Variants in CNIH3 observed in about 807,000 individuals in gnomAD.
CNIH3 encodes protein cornichon homolog 3.
A neutral mutation model predicts 24.1 loss-of-function variants in CNIH3; 14 were observed. The observed-to-expected ratio is 0.58, with a 90% CI of 0.38 to 0.91. CNIH3 has a LOEUF of 0.91. Ranked by LOEUF, CNIH3 falls within the 40% of genes least tolerant of loss-of-function variation. The pLI is 0.00. For missense variants in CNIH3, 178 were observed against 196.8 expected, an observed-to-expected ratio of 0.90 and a Z score of 0.57; for synonymous variants, 68 against 73.8, an observed-to-expected ratio of 0.92 and a Z score of 0.40.
intron 1 of CNIH3, among the ~76,000 whole-genome samples, chr1:224,677,309 G>C (rs537442748): frequency 6.6e-6 from 1 of 152,306 alleles, no homozygotes; most frequent in Non-Finnish European, 1.5e-5. Flanking sequence ...ACAGTGGCCT[G>C]TCTACATGGG....
At chr1:224,541,877 C>T (rs566552351), downstream of CNIH3, among the ~76,000 whole-genome samples, 12 of 152,324 alleles carry the variant, frequency 7.9e-5, no homozygotes, top group South Asian at 2.5e-3. Context: ...TAATGTCTCT[C>T]ACTCTTTGTA....
intron 1 of CNIH3, among the ~76,000 whole-genome samples, chr1:224,668,852 C>T (rs1685728342): frequency 6.6e-6 from 1 of 151,142 alleles, no homozygotes; most frequent in African/African-American, 2.4e-5. Context: ...CTCTGTGGCC[C>T]CAGTGTGCTT....
chr1:224,739,217 AG>A, intron 5 of CNIH3, 111 bp from the exon 6 acceptor site: 1 of 1,504,712 alleles, frequency 6.6e-7, no homozygotes, highest in Admixed American at 2.4e-5. Context: ...GGAGAAGCCA[AG>A]GGGTCTGGCC....
intron 1 of CNIH3, among the ~76,000 whole-genome samples, chr1:224,457,340 G>T (rs1022052771): frequency 6.7e-6 from 1 of 149,768 alleles, no homozygotes; most frequent in Non-Finnish European, 1.5e-5. Flanking sequence ...TCTGTTCTCC[G>T]CCCCTACTGA....
In CNIH3 at chr1:224,529,870, C is replaced by T. The variant is rs116565248; in HGVS notation, n.344-7066C>T. Among the ~76,000 whole-genome samples the T allele has an allele frequency of 8.9e-3, 1,362 of 152,240 alleles. 25 individuals carry two copies. Among genetic ancestry groups the T allele is most frequent in the African/African-American group, 0.03 (1,261 of 41,524 alleles). ...GCCCTTGTAGGTGTAATGGCCATAA[C>T]GAGGGGTTAGAGACTTTGTCCTGAA... On this transcript the variant is annotated intron_variant and non_coding_transcript_variant, in intron 2 of 2. Coordinates refer to the CNIH3 transcript ENST00000470602.
chr1:224,484,417 G>C (rs925275887), intron 1 of CNIH3, among the ~76,000 whole-genome samples: 12 of 151,338 alleles, frequency 7.9e-5, no homozygotes, highest in Admixed American at 6.6e-4. Context: ...GTGACAGAGC[G>C]AGACTCTGTT....
intron 3 of CNIH3, among the ~76,000 whole-genome samples, chr1:224,609,468 G>T (rs1682584140): frequency 6.6e-6 from 1 of 152,016 alleles, no homozygotes; most frequent in Non-Finnish European, 1.5e-5. Flanking sequence ...TTTGGATGGG[G>T]GTGTTGAGAG....
intron 1 of CNIH3, among the ~76,000 whole-genome samples, chr1:224,619,533 A>C (rs988505233): frequency 1.3e-5 from 2 of 152,090 alleles, no homozygotes; most frequent in Non-Finnish European, 2.9e-5. Context: ...CCTCTCTCCA[A>C]ATCAAACAAC....
intron 3 of CNIH3, among the ~76,000 whole-genome samples, chr1:224,729,464 A>G (rs990811937): frequency 4.9e-4 from 74 of 150,484 alleles, no homozygotes; most frequent in African/African-American, 7.1e-4. Context: ...TGGGCCTTGA[A>G]GGATGTTTCA....
intron 5 of CNIH3, among the ~76,000 whole-genome samples, chr1:224,585,253 C>G (rs901045905): frequency 1.3e-5 from 2 of 152,152 alleles, no homozygotes; most frequent in Admixed American, 1.3e-4. Context: ...CCAGGCCTGT[C>G]TTAACGTCTC....
chr1:224,447,682 AC>A (rs1162064587), intron 1 of CNIH3, among the ~76,000 whole-genome samples: 1 of 152,188 alleles, frequency 6.6e-6, no homozygotes, highest in Non-Finnish European at 1.5e-5. Flanking sequence ...CTTGTAATAA[AC>A]CCCCATTGCT....
intron 1 of CNIH3, among the ~76,000 whole-genome samples, chr1:224,438,851 G>A (rs1674776449): frequency 6.6e-6 from 1 of 152,038 alleles, no homozygotes; most frequent in African/African-American, 2.4e-5. Flanking sequence ...TTAATGTGTG[G>A]GTCATGAGAT....
intron 3 of CNIH3, among the ~76,000 whole-genome samples, chr1:224,594,042 T>A (rs964867625): frequency 6.6e-6 from 1 of 152,156 alleles, no homozygotes; most frequent in Non-Finnish European, 1.5e-5. Context: ...GAGTTTTAGT[T>A]TGAGAAGTTG....
chr1:224,457,498 C>G (rs1015376769), intron 1 of CNIH3, among the ~76,000 whole-genome samples: 3 of 148,122 alleles, frequency 2.0e-5, no homozygotes, highest in East Asian at 4.0e-4. Context: ...GAATGGGAAT[C>G]TGTGGTCTGG....
intron 3 of CNIH3, among the ~76,000 whole-genome samples, chr1:224,556,213 T>C (rs1340150645): frequency 1.3e-5 from 2 of 151,616 alleles, no homozygotes; most frequent in African/African-American, 4.9e-5. Context: ...TCTTGCTTGG[T>C]GATGGTGTCT....
chr1:224,530,611 T>C (rs2124929987), intron 2 of CNIH3, among the ~76,000 whole-genome samples: 1 of 151,266 alleles, frequency 6.6e-6, no homozygotes, highest in Admixed American at 6.6e-5. Flanking sequence ...TCTTTTTTTC[T>C]TTTTTTTTAG....
Position 224,703,375 on chromosome 1 carries a change from T to A in CNIH3, c.198+18532T>A, listed in dbSNP as rs1319505517. On this transcript the variant is annotated intron_variant, in intron 3 of 5. Transcript: ENST00000272133. This position sits in a 1 kb window ranked among gnomAD's most constrained non-coding sequence, Gnocchi z 4.2. ...AACTTTGCCGCACATTAGAATCACC[T>A]GGGGGAAATTTTAAAAATCCTGATG... 1.3e-5 allele frequency among the ~76,000 whole-genome samples: 2 copies of A among 151,916 alleles called. No homozygotes were observed. Among genetic ancestry groups the A allele is most frequent in the Non-Finnish European group, 2.9e-5 (2 of 68,014 alleles).
intron 1 of CNIH3, among the ~76,000 whole-genome samples, chr1:224,654,347 A>T (rs1031339050): frequency 6.6e-6 from 1 of 152,168 alleles, no homozygotes. Flanking sequence ...ACACCACTGC[A>T]CTCCAGCCTA....
intron 3 of CNIH3, among the ~76,000 whole-genome samples, chr1:224,562,292 C>G (rs1226353287): frequency 6.6e-6 from 1 of 152,148 alleles, no homozygotes; most frequent in African/African-American, 2.4e-5. Flanking sequence ...CCCTTCTACT[C>G]CAGACTCTTC....
Sources: allele counts gnomAD v4.1 joint callset (sites outside exome capture counted in the v4.1 genomes callset), GRCh38; gene constraint gnomAD v4.1.1; non-coding constraint Gnocchi (gnomAD v3.1); transcripts MANE v1.5; gene names NCBI Gene and HGNC (gene_info 2026-07-23, HGNC 2026-07-21).